The following MAN1A1 variants were observed in gnomAD, a reference collection of about 807,000 sequenced individuals.
MAN1A1 encodes the protein mannosyl-oligosaccharide 1,2-alpha-mannosidase IA.
MAN1A1 carries 29 observed loss-of-function variants against 70.8 expected under a neutral mutation model. That is an observed-to-expected ratio of 0.41 (90% CI 0.31 to 0.56). The LOEUF (loss-of-function observed/expected upper bound fraction) is 0.56. Among genes scored for constraint, MAN1A1 ranks in the 20% least tolerant of loss-of-function variants. The pLI is 0.29. For synonymous variants in MAN1A1, 349 were observed against 330.1 expected (o/e 1.06, Z -0.62); for missense variants, 747 against 841.3 (o/e 0.89, Z 1.39).
chr6:119,205,970 TGTGTGAAG>T (rs1453642006), intron 6 of MAN1A1, among the ~76,000 whole-genome samples: 1 of 152,186 alleles, frequency 6.6e-6, no homozygotes, highest in Non-Finnish European at 1.5e-5. Context: ...CCGAGATAAA[TGTGTGAAG>T]AGTTCTCTGA....
In MAN1A1 at chr6:119,203,761, C is replaced by T. The variant is rs143013038; in HGVS notation, c.1116+998G>A. 5.4e-3 allele frequency among the ~76,000 whole-genome samples: 825 copies of T among 152,162 alleles called. 11 individuals carry two copies. The highest frequency in any genetic ancestry group is 0.022 in the South Asian group (108 of 4,818). On this transcript the variant is annotated intron_variant, in intron 7 of 12. Transcript: ENST00000368468. ...CAAAGACTGGAGAAGCACGTCTAGG[C>T]GTTAAGTCCGAGGCATTTTAAGTGG...
chr6:119,193,456 T>C (rs546461466), intron 9 of MAN1A1, among the ~76,000 whole-genome samples: 1 of 152,326 alleles, frequency 6.6e-6, no homozygotes, highest in South Asian at 2.1e-4. Flanking sequence ...ATTGTCAGAA[T>C]ACAAATTCAG....
chr6:119,336,024 C>T (rs902002348), intron 2 of MAN1A1, among the ~76,000 whole-genome samples: 1 of 152,130 alleles, frequency 6.6e-6, no homozygotes, highest in African/African-American at 2.4e-5. Context: ...AATTCTGGGG[C>T]CCACCCAGGC....
intron 8 of MAN1A1, among the ~76,000 whole-genome samples, chr6:119,195,789 T>C (rs763148091): frequency 3.9e-5 from 6 of 152,062 alleles, no homozygotes; most frequent in South Asian, 4.1e-4. Flanking sequence ...TAGTTAAGTA[T>C]GTGATTTTCT....
intron 2 of MAN1A1, among the ~76,000 whole-genome samples, chr6:119,339,742 T>C (rs1773553009): frequency 6.6e-6 from 1 of 152,202 alleles, no homozygotes; most frequent in South Asian, 2.1e-4. Flanking sequence ...CAAAGTATAA[T>C]ATTAATAATT....
At chr6:119,290,966 A>G (rs1776522547) in intron 4 of MAN1A1, among the ~76,000 whole-genome samples, 1 of 151,880 alleles carries the variant, frequency 6.6e-6, no homozygotes, top group African/African-American at 2.4e-5. Flanking sequence ...TCACTAACGG[A>G]CCCCCAAAAT....
chr6:119,286,607 A>C (rs1315157133), intron 5 of MAN1A1, among the ~76,000 whole-genome samples: 1 of 152,150 alleles, frequency 6.6e-6, no homozygotes, highest in East Asian at 1.9e-4. Flanking sequence ...TACTGTAAAA[A>C]TCCATTCTGT....
At chr6:119,238,245 A>AAT (rs1774910255) in intron 6 of MAN1A1, among the ~76,000 whole-genome samples, 1 of 152,224 alleles carries the variant, frequency 6.6e-6, no homozygotes, top group African/African-American at 2.4e-5. Context: ...GGACATAATA[A>AAT]AAGTAGAGAT....
chr6:119,315,777 C>T (rs1442015067), intron 2 of MAN1A1, among the ~76,000 whole-genome samples: 1 of 152,208 alleles, frequency 6.6e-6, no homozygotes, highest in Non-Finnish European at 1.5e-5. Context: ...ACTTTCCTTA[C>T]ATAGAACAGT....
chr6:119,261,420 A>G (rs1427793188), intron 5 of MAN1A1, among the ~76,000 whole-genome samples: 2 of 152,246 alleles, frequency 1.3e-5, no homozygotes, highest in Non-Finnish European at 1.5e-5. Context: ...ATATTTATTT[A>G]GTGCCTATGT....
chr6:119,208,153 T>C (rs1295633921), intron 6 of MAN1A1, among the ~76,000 whole-genome samples: 2 of 152,180 alleles, frequency 1.3e-5, no homozygotes, highest in Non-Finnish European at 2.9e-5. Flanking sequence ...TGGAAATATA[T>C]ACACAAAAAG....
chr6:119,301,778 C>T (rs981652724), intron 4 of MAN1A1, among the ~76,000 whole-genome samples: 1 of 152,184 alleles, frequency 6.6e-6, no homozygotes, highest in African/African-American at 2.4e-5. Context: ...AACTTCTTTT[C>T]TCTTACTCTT....
chr6:119,323,418 A>C (rs979151107), intron 2 of MAN1A1, among the ~76,000 whole-genome samples: 2 of 152,066 alleles, frequency 1.3e-5, no homozygotes, highest in Admixed American at 6.5e-5. Flanking sequence ...TCACAATCTC[A>C]TATTTTTTTT....
At chr6:119,307,469 C>T (rs564285869) in intron 2 of MAN1A1, among the ~76,000 whole-genome samples, 219 of 152,086 alleles carry the variant, frequency 1.4e-3, no homozygotes, top group African/African-American at 5.0e-3. Flanking sequence ...TGTTTCCTGA[C>T]GAAGACTATA....
At chr6:119,266,997 G>T (rs371736698) in intron 5 of MAN1A1, among the ~76,000 whole-genome samples, 1 of 152,094 alleles carries the variant, frequency 6.6e-6, no homozygotes, top group Admixed American at 6.5e-5. Flanking sequence ...GTTCCACATC[G>T]CAAATCATCA....
intron 2 of MAN1A1, among the ~76,000 whole-genome samples, chr6:119,327,562 G>C (rs1191856055): frequency 6.6e-6 from 1 of 151,726 alleles, no homozygotes. Flanking sequence ...GCTAATTTTT[G>C]TATTTTTAAT....
At chr6:119,242,826 A>G (rs922813507) in intron 6 of MAN1A1, among the ~76,000 whole-genome samples, 3 of 152,158 alleles carry the variant, frequency 2.0e-5, no homozygotes, top group Admixed American at 2.0e-4. Flanking sequence ...CTATGGTAAT[A>G]ATATTCTAAT....
chr6:119,312,802 G>A (rs1195841979), intron 2 of MAN1A1, among the ~76,000 whole-genome samples: 1 of 152,186 alleles, frequency 6.6e-6, no homozygotes, highest in African/African-American at 2.4e-5. Flanking sequence ...AGACTGCGAG[G>A]TTGTGCCTGT....
intron 5 of MAN1A1, among the ~76,000 whole-genome samples, chr6:119,264,062 G>T (rs1465777683): frequency 6.6e-6 from 1 of 152,172 alleles, no homozygotes; most frequent in Non-Finnish European, 1.5e-5. Flanking sequence ...TTTTAAAAAA[G>T]AATTCTGCTC....
Sources: allele counts gnomAD v4.1 joint callset (sites outside exome capture counted in the v4.1 genomes callset), GRCh38; gene constraint gnomAD v4.1.1; transcripts MANE v1.5; gene names NCBI Gene and HGNC (gene_info 2026-07-23, HGNC 2026-07-21).